Variants in USH2A observed in about 807,000 individuals in gnomAD.
USH2A encodes the protein Usher syndrome 2A (autosomal recessive, mild).
USH2A carries 443 observed loss-of-function variants against 538.9 expected under a neutral mutation model. That is an observed-to-expected ratio of 0.82 (90% confidence interval 0.76 to 0.89). The LOEUF (loss-of-function observed/expected upper bound fraction) is 0.89. Ranked by LOEUF, USH2A falls within the 40% of genes least tolerant of loss-of-function variation. The pLI is 0.00. For synonymous variants in USH2A, 2,413 were observed against 2,273.5 expected (o/e 1.06, Z -1.75); for missense variants, 6,633 against 6,324.8 (o/e 1.05, Z -1.65).
At chr1:216,142,737 T>A (rs1208800590) in intron 21 of USH2A, among the ~76,000 whole-genome samples, 2 of 152,214 alleles carry the variant, frequency 1.3e-5, no homozygotes, top group African/African-American at 4.8e-5. Context: ...ATTAACCCTC[T>A]GCATTCAGAT....
At chr1:215,806,015 A>T (rs1319729670) in intron 49 of USH2A, among the ~76,000 whole-genome samples, 1 of 148,614 alleles carries the variant, frequency 6.7e-6, no homozygotes, top group Non-Finnish European at 1.5e-5. Context: ...ACAAACTGAC[A>T]AAACAGCACC....
chr1:216,001,365 G>A (rs1668262908), intron 32 of USH2A, among the ~76,000 whole-genome samples: 3 of 152,100 alleles, frequency 2.0e-5, no homozygotes, highest in Admixed American at 2.0e-4. Context: ...TGAGACTAGG[G>A]TAGTGCCCTA....
Position 216,072,794 on chromosome 1 carries a change from T to C in USH2A, c.5857+95A>G. ...GCTCTGTCAGAAGACTACAAAAATA[T>C]TACTGCTTCAGGGTAATAGTCCTTC... On this transcript the variant is annotated intron_variant, in intron 29 of 71. Coordinates refer to ENST00000307340, the MANE Select transcript of USH2A (RefSeq NM_206933.4). 3 of 1,231,666 alleles carry C rather than the reference T, an allele frequency of 2.4e-6. No homozygotes were observed. The South Asian group carries it at 3.6e-5, about 15-fold the overall frequency. 76.3% of individuals were successfully genotyped at this position (1,231,666 alleles called of 1,614,324 possible).
intron 56 of USH2A, among the ~76,000 whole-genome samples, chr1:215,761,178 G>A (rs1230584516): frequency 2.6e-5 from 4 of 152,068 alleles, no homozygotes; most frequent in African/African-American, 9.7e-5. Context: ...TTCCCTTACA[G>A]CATGACATTT....
Position 215,758,629 on chromosome 1 carries a change from C to G in USH2A, c.11355G>C (p.Gly3785=), listed in dbSNP as rs1025644039. 2.5e-6 allele frequency: 4 copies of G among 1,613,448 alleles called. No individual in the cohort carries two copies. The African/African-American group carries it at 5.3e-5, about 22-fold the overall frequency. The change falls in exon 58 of 72, where the codon GGG becomes GGC. Residue 3785 remains glycine, a synonymous_variant. Transcript: ENST00000307340. The stretch of plus-strand genomic sequence containing the variant: ...TCCAAGCTACAAATATAGAATAAGG[C>G]CCAATTACTGTGATATTATATGGAG... ...IYPPYNITVI[G]PYSIFVAWIP...
rs189202861 is a variant in USH2A, at chr1:215,929,686, T to C, written c.7300+4930A>G. Among the ~76,000 whole-genome samples the C allele has an allele frequency of 4.3e-3, 656 of 152,158 alleles. 6 individuals are homozygous for C. The highest frequency in any genetic ancestry group is 7.7e-3 in the Non-Finnish European group (525 of 67,976). On this transcript the variant is annotated intron_variant, in intron 38 of 71. Transcript: ENST00000307340. The stretch of plus-strand genomic sequence containing the variant: ...CGCTAAACACATTACATATAATATG[T>C]TGTTCAATCCTCCAGTCAGGTGGGA...
intron 61 of USH2A, among the ~76,000 whole-genome samples, chr1:215,710,220 A>G (rs1349128894): frequency 6.6e-6 from 1 of 152,078 alleles, no homozygotes; most frequent in Non-Finnish European, 1.5e-5. Flanking sequence ...AAATGGAAGA[A>G]TTTTCCTTGT....
At chr1:215,855,866 C>T (rs1664151853) in intron 44 of USH2A, among the ~76,000 whole-genome samples, 1 of 152,096 alleles carries the variant, frequency 6.6e-6, no homozygotes, top group African/African-American at 2.4e-5. Flanking sequence ...AAATAGAGAA[C>T]TCAGAAATAA....
intron 64 of USH2A, among the ~76,000 whole-genome samples, chr1:215,652,311 T>C (rs1657109511): frequency 6.6e-6 from 1 of 152,262 alleles, no homozygotes; most frequent in Non-Finnish European, 1.5e-5. Context: ...TTTTTGATTC[T>C]GTATGCCATC....
At chr1:215,820,489 C>T (rs1180336413) in intron 47 of USH2A, among the ~76,000 whole-genome samples, 1 of 151,560 alleles carries the variant, frequency 6.6e-6, no homozygotes, top group East Asian at 1.9e-4. Flanking sequence ...ATTTCAGGGT[C>T]CATGTGAGAA....
intron 3 of USH2A, among the ~76,000 whole-genome samples, chr1:216,372,779 G>A (rs967191028): frequency 6.6e-6 from 1 of 152,128 alleles, no homozygotes; most frequent in African/African-American, 2.4e-5. Flanking sequence ...GCTTAAAGAG[G>A]TGTCATGTAC....
intron 35 of USH2A, among the ~76,000 whole-genome samples, chr1:215,977,307 C>T (rs1343312318): frequency 2.0e-5 from 3 of 151,994 alleles, no homozygotes; most frequent in South Asian, 2.1e-4. Flanking sequence ...TTTGAGGTAG[C>T]TATTTAGCAC....
At chr1:216,358,615 C>A (rs918963184) in intron 4 of USH2A, among the ~76,000 whole-genome samples, 2 of 151,902 alleles carry the variant, frequency 1.3e-5, no homozygotes, top group African/African-American at 2.4e-5. Context: ...AGTCTATACG[C>A]CATCTCTAAT....
intron 61 of USH2A, among the ~76,000 whole-genome samples, chr1:215,719,773 G>A (rs1353896483): frequency 6.6e-6 from 1 of 152,162 alleles, no homozygotes; most frequent in African/African-American, 2.4e-5. Context: ...GTAAGAATGA[G>A]GACAGATGAA....
At chr1:215,794,104 A>G (rs1028618223) in intron 50 of USH2A, among the ~76,000 whole-genome samples, 4 of 152,240 alleles carry the variant, frequency 2.6e-5, no homozygotes, top group Admixed American at 6.5e-5. Flanking sequence ...AGATACCTGT[A>G]TAACACTTCT....
At chr1:216,243,272 G>T (rs1444058701) in intron 13 of USH2A, among the ~76,000 whole-genome samples, 1 of 152,030 alleles carries the variant, frequency 6.6e-6, no homozygotes, top group East Asian at 1.9e-4. Flanking sequence ...CATTAACTTT[G>T]GCTGATTTTT....
At chr1:216,156,259 C>CTTCT (rs1251620523) in intron 21 of USH2A, among the ~76,000 whole-genome samples, 2 of 143,760 alleles carry the variant, frequency 1.4e-5, no homozygotes, top group Non-Finnish European at 3.1e-5. Context: ...CTTTACTTTC[C>CTTCT]TTCTTTCTTT....
At chr1:216,062,164 TG>T (rs888174027) in intron 30 of USH2A, among the ~76,000 whole-genome samples, 16 of 152,162 alleles carry the variant, frequency 1.1e-4, no homozygotes, top group African/African-American at 3.9e-4. Flanking sequence ...TGTCATATTC[TG>T]GGGAGGATTT....
intron 20 of USH2A, 75 bp downstream of exon 20, chr1:216,190,148 G>T: frequency 6.3e-7 from 1 of 1,581,288 alleles, no homozygotes. Flanking sequence ...GTCTCAAGTA[G>T]AGAAGGTGTT....
Sources: allele counts gnomAD v4.1 joint callset (sites outside exome capture counted in the v4.1 genomes callset), GRCh38; gene constraint gnomAD v4.1.1; transcripts MANE v1.5; gene names NCBI Gene and HGNC (gene_info 2026-07-23, HGNC 2026-07-21).